LCP1: variants seen among roughly 807,000 people sequenced by gnomAD.
LCP1 encodes lymphocyte cytosolic protein 1, also known as plastin-2.
LCP1 carries 23 observed loss-of-function variants against 72.0 expected under a neutral mutation model. The observed-to-expected ratio is 0.32, with a 90% CI of 0.23 to 0.45. The LOEUF (loss-of-function observed/expected upper bound fraction) is 0.45. Among genes scored for constraint, LCP1 ranks in the 20% least tolerant of loss-of-function variants. LCP1 has a pLI of 1.00. For missense variants in LCP1, 571 were observed against 748.3 expected (o/e 0.76, Z 2.76); for synonymous variants, 245 against 275.4 (o/e 0.89, Z 1.09).
intron 9 of LCP1, among the ~76,000 whole-genome samples, chr13:46,147,454 G>C (rs984668730): frequency 4.6e-5 from 7 of 151,978 alleles, no homozygotes; most frequent in Admixed American, 3.9e-4. Context: ...TATTATTTGT[G>C]TGCACAGATG....
rs759954945 is a variant in LCP1, at chr13:46,126,544, T to C, written c.*1047A>G. The C allele has an allele frequency of 5.2e-5, 12 of 231,980 alleles. No individual in the cohort carries two copies. The highest frequency in any genetic ancestry group is 1.3e-3 in the Middle Eastern group (1 of 800). The allele number at this position is 231,980 out of a possible 1,614,324, so 14.4% of individuals were successfully genotyped here. On this transcript the variant is annotated 3_prime_UTR_variant, in exon 16 of 16. Coordinates refer to ENST00000323076, the MANE Select transcript of LCP1 (RefSeq NM_002298.5). ...GTTTAGGGGTGGCAGAAAGCTTTTA[T>C]AGTACCAAAAAAGTAAACATTGATA...
rs745657520 is a variant in LCP1 at position 46,142,278 on chromosome 13, A to G, written c.1502+14T>C. 2.5e-6 allele frequency: 4 copies of G among 1,611,274 alleles called. No homozygotes were observed. In the South Asian group the frequency reaches 3.3e-5, roughly 13 times the overall value. Reference sequence around the variant, plus strand: ...ATGTATTCAAGAAAAAGCCACTTCCATAAGCTATACTACCTTCTCATTAGC... The same window carrying G: ...ATGTATTCAAGAAAAAGCCACTTCCGTAAGCTATACTACCTTCTCATTAGC... On this transcript the variant is annotated intron_variant, in intron 13 of 15. Transcript: ENST00000323076.
At chr13:46,148,975 A>C (rs541919932) in intron 8 of LCP1, among the ~76,000 whole-genome samples, 2 of 152,338 alleles carry the variant, frequency 1.3e-5, no homozygotes, top group South Asian at 4.1e-4. Flanking sequence ...AGAAAAGTGC[A>C]TTTCATATTT....
intron 1 of LCP1, chr13:46,169,833 C>T (rs1170352820): frequency 3.3e-5 from 5 of 152,222 alleles, no homozygotes; most frequent in African/African-American, 4.8e-5. Context: ...CAACTCACCA[C>T]GAGATGAAAT....
chr13:46,131,877 T>G (rs2045636149), intron 14 of LCP1, among the ~76,000 whole-genome samples: 1 of 152,048 alleles, frequency 6.6e-6, no homozygotes, highest in South Asian at 2.1e-4. Context: ...GGAAGTGGGT[T>G]AAAGGTGAAA....
chr13:46,162,170 C>A (rs115516693), intron 1 of LCP1, among the ~76,000 whole-genome samples: 1 of 151,970 alleles, frequency 6.6e-6, no homozygotes, highest in Non-Finnish European at 1.5e-5. Flanking sequence ...GCTGTCTACT[C>A]GGGTTCTCTG....
rs1859909687 is a variant in LCP1, at chr13:46,126,516, G to A, written c.*1075C>T. 1.3e-5 allele frequency: 3 copies of A among 232,296 alleles called. No individual in the cohort carries two copies. Among genetic ancestry groups the A allele is most frequent in the Non-Finnish European group, 2.6e-5 (3 of 117,300 alleles). The allele number at this position is 232,296 out of a possible 1,614,324, so 14.4% of individuals were successfully genotyped here. ...TTGATTGGCACATATTGTCCCCCCT[G>A]GAGTTTAGGGGTGGCAGAAAGCTTT... On this transcript the variant is annotated 3_prime_UTR_variant, in exon 16 of 16. Coordinates refer to ENST00000323076, the MANE Select transcript of LCP1 (RefSeq NM_002298.5).
rs1225939951 is a variant in LCP1 at position 46,126,574 on chromosome 13, G to C, written c.*1017C>G. ...CCAAAAAAGTAAACATTGATAATAT[G>C]GCCTGACAACAATCAGATATGCTAA... On this transcript the variant is annotated 3_prime_UTR_variant, in exon 16 of 16. Transcript: ENST00000323076. 4.3e-6 allele frequency: 1 copy of C among 231,654 alleles called. No individual in the cohort carries two copies. Among genetic ancestry groups the C allele is most frequent in the Non-Finnish European group, 8.5e-6 (1 of 116,974 alleles). The allele number at this position is 231,654 out of a possible 1,614,324, so 14.3% of individuals were successfully genotyped here. A position where few individuals can be genotyped will look rare whatever the true frequency, so the allele number is the denominator to read the frequency against.
intron 1 of LCP1, among the ~76,000 whole-genome samples, chr13:46,168,791 C>T (rs186003561): frequency 3.3e-5 from 5 of 152,302 alleles, no homozygotes; most frequent in East Asian, 1.9e-4. Context: ...TTTTCTGATA[C>T]GATTGAAGGT....
At chr13:46,161,533 T>C (rs2045838336) in intron 1 of LCP1, among the ~76,000 whole-genome samples, 1 of 152,158 alleles carries the variant, frequency 6.6e-6, no homozygotes, top group Admixed American at 6.5e-5. Flanking sequence ...GGCTTTCTTG[T>C]CATCTCTCTC....
chr13:46,160,105 A>T (rs1471774640), intron 1 of LCP1, among the ~76,000 whole-genome samples: 3 of 152,204 alleles, frequency 2.0e-5, no homozygotes, highest in Non-Finnish European at 4.4e-5. Flanking sequence ...TGAGACATTT[A>T]AGCCACATAA....
chr13:46,172,688 G>A (rs985025682), intron 1 of LCP1, among the ~76,000 whole-genome samples: 11 of 152,072 alleles, frequency 7.2e-5, no homozygotes, highest in South Asian at 2.1e-4. Context: ...GCAAAACCTC[G>A]GTGATGCAGG....
At chr13:46,161,391 T>A (rs1366910281) in intron 1 of LCP1, among the ~76,000 whole-genome samples, 1 of 152,244 alleles carries the variant, frequency 6.6e-6, no homozygotes, top group Non-Finnish European at 1.5e-5. Context: ...ATTATTGTCT[T>A]ACATATCTAA....
chr13:46,168,312 T>C (rs1308498875), intron 1 of LCP1, among the ~76,000 whole-genome samples: 2 of 152,188 alleles, frequency 1.3e-5, no homozygotes, highest in African/African-American at 4.8e-5. Context: ...TAGAAAGTAT[T>C]GCAAATGAGC....
chr13:46,160,882 A>C (rs1593958525), intron 1 of LCP1, among the ~76,000 whole-genome samples: 2 of 152,300 alleles, frequency 1.3e-5, no homozygotes, highest in Middle Eastern at 6.8e-3. Flanking sequence ...ATTTAAAAAA[A>C]AATTTGTGAC....
chr13:46,134,205 G>A lies in LCP1; in HGVS notation c.1548C>T (p.Val516=), dbSNP rs751013494. Residue 516 remains valine, a synonymous_variant, in exon 14 of 16, where the codon GTC becomes GTT. Coordinates refer to ENST00000323076, the MANE Select transcript of LCP1 (RefSeq NM_002298.5). Reference sequence around the variant, plus strand: ...CCCAGTTGACAATAATGTCATCATTGACCTTCTGGCCACCACCAATTTCTT... The same window carrying A: ...CCCAGTTGACAATAATGTCATCATTAACCTTCTGGCCACCACCAATTTCTT... ...ILEEIGGGQK[V]NDDIIVNWVN... 1.9e-6 allele frequency: 3 copies of A among 1,613,150 alleles called. No homozygotes were observed. The highest frequency in any genetic ancestry group is 2.2e-5 in the South Asian group (2 of 91,052).
At chr13:46,129,764 C>T (rs1439243914) in intron 15 of LCP1, among the ~76,000 whole-genome samples, 3 of 152,022 alleles carry the variant, frequency 2.0e-5, no homozygotes, top group Non-Finnish European at 4.4e-5. Context: ...TGTGTCTCTT[C>T]GAAATTCATA....
At chr13:46,169,960 G>C (rs1293642472) in intron 1 of LCP1, among the ~76,000 whole-genome samples, 5 of 152,190 alleles carry the variant, frequency 3.3e-5, no homozygotes, top group Non-Finnish European at 7.3e-5. Context: ...GAGAATCAGT[G>C]AGCCCTTCCT....
chr13:46,162,225 C>G (rs913578064), intron 1 of LCP1, among the ~76,000 whole-genome samples: 2 of 150,894 alleles, frequency 1.3e-5, no homozygotes, highest in Admixed American at 6.6e-5. Context: ...TCCATTTATT[C>G]ACTAAACAAT....
Sources: allele counts gnomAD v4.1 joint callset (sites outside exome capture counted in the v4.1 genomes callset), GRCh38; gene constraint gnomAD v4.1.1; transcripts MANE v1.5; gene names NCBI Gene and HGNC (gene_info 2026-07-23, HGNC 2026-07-21).